The following OPN3 variants were observed in gnomAD, a reference collection of about 807,000 sequenced individuals.
OPN3 encodes opsin 3, also known as opsin-3.
A neutral mutation model predicts 33.8 loss-of-function variants in OPN3; 29 were observed. The observed-to-expected ratio is 0.86, with a 90% CI of 0.64 to 1.17. The LOEUF is 1.17. OPN3 is among the 50% of genes most tolerant of loss of function. The pLI is 0.00. For synonymous variants in OPN3, 216 were observed against 216.1 expected (o/e 1.00, Z 0.00); for missense variants, 437 against 514.1 (o/e 0.85, Z 1.45).
chr1:241,634,998 CA>C (rs778387586), intron 1 of OPN3: 1 of 1,613,454 alleles, frequency 6.2e-7, no homozygotes, highest in African/African-American at 1.3e-5. Context: ...TTAAATTCTA[CA>C]TAACGACTAA....
At chr1:241,635,899 C>T (rs764080829) in intron 1 of OPN3, 70 of 828,968 alleles carry the variant, frequency 8.4e-5, no homozygotes, top group East Asian at 1.9e-4. Flanking sequence ...AGCTGTTTAA[C>T]GGTTACCCTT....
chr1:241,610,693 A>G (rs781458648), intron 1 of OPN3, among the ~76,000 whole-genome samples: 1 of 152,252 alleles, frequency 6.6e-6, no homozygotes, highest in Non-Finnish European at 1.5e-5. Context: ...AGAGAAGTAA[A>G]CTACTATAAA....
chr1:241,634,498 A>T, intron 1 of OPN3: 1 of 1,613,856 alleles, frequency 6.2e-7, no homozygotes, highest in Non-Finnish European at 8.5e-7. Flanking sequence ...GACCAAAGTG[A>T]TCTATAATTG....
intron 1 of OPN3, 73 bp downstream of exon 1, chr1:241,639,809 C>G: frequency 7.6e-7 from 1 of 1,320,370 alleles, no homozygotes; most frequent in Non-Finnish European, 9.8e-7. Flanking sequence ...GGGGGGCGGA[C>G]GCACGGAGCG....
At chr1:241,636,723 A>G (rs1462328665) in intron 1 of OPN3, among the ~76,000 whole-genome samples, 1 of 152,218 alleles carries the variant, frequency 6.6e-6, no homozygotes, top group African/African-American at 2.4e-5. Flanking sequence ...ACACATGCAT[A>G]TAAGTAATAA....
intron 1 of OPN3, chr1:241,633,700 CCA>C (rs1444839758): frequency 6.2e-6 from 8 of 1,283,356 alleles, no homozygotes; most frequent in Non-Finnish European, 8.8e-6. Context: ...TCATATATAA[CCA>C]CTTCTAATTA....
At chr1:241,639,183 C>T (rs1665016147) in intron 1 of OPN3, 2 of 152,190 alleles carry the variant, frequency 1.3e-5, no homozygotes, top group African/African-American at 4.8e-5. Context: ...ATTTGTTCAC[C>T]TGAGATGGTA....
rs1260239543 is a variant in OPN3, at chr1:241,598,011, A to T, written c.694-14T>A. 1 of 1,608,458 alleles carries T rather than the reference A, an allele frequency of 6.2e-7. No homozygotes were observed. The highest frequency in any genetic ancestry group is 8.5e-7 in the Non-Finnish European group (1 of 1,178,100). The stretch of plus-strand genomic sequence containing the variant: ...CACACAACGAAGCTGCAGAAAGGAG[A>T]AAGAAAGGAAAGGGCTTAAAAAACA... On this transcript the variant is annotated splice_polypyrimidine_tract_variant and intron_variant, in intron 2 of 3. Transcript: ENST00000366554.
chr1:241,630,195 A>G (rs1558445780), intron 1 of OPN3: 1 of 152,090 alleles, frequency 6.6e-6, no homozygotes. Flanking sequence ...TACAACTGGT[A>G]AGTAGTGAAA....
chr1:241,634,922 T>C, intron 1 of OPN3: 2 of 1,612,020 alleles, frequency 1.2e-6, no homozygotes, highest in Non-Finnish European at 1.7e-6. Flanking sequence ...ATTAAAGACA[T>C]CTGCTCTGGA....
At position 241,618,964 on chromosome 1, in the gene OPN3, A is replaced by G. The variant is rs1375414466; in HGVS notation, c.374-14385T>C. Among the ~76,000 whole-genome samples the G allele has an allele frequency of 2.0e-5, 3 of 146,934 alleles. No homozygotes were observed. In the East Asian group the frequency reaches 5.8e-4, roughly 29 times the overall value. ...GATATGCCTCAAGCCTCCAGTGGGC[A>G]GGCTAGTTTATATATATATATATAT... On this transcript the variant is annotated intron_variant, in intron 1 of 3. Coordinates refer to ENST00000366554, the MANE Select transcript of OPN3 (RefSeq NM_014322.3).
chr1:241,621,312 TACAG>T (rs1664263972), intron 1 of OPN3, among the ~76,000 whole-genome samples: 1 of 152,048 alleles, frequency 6.6e-6, no homozygotes, highest in African/African-American at 2.4e-5. Context: ...GAAGAAAGAA[TACAG>T]ACAGTCATAA....
chr1:241,594,285 G>A lies in OPN3; in HGVS notation c.*143C>T. The A allele has an allele frequency of 1.1e-6, 1 of 878,386 alleles. No homozygotes were observed. Among genetic ancestry groups the A allele is most frequent in the Non-Finnish European group, 1.7e-6 (1 of 574,350 alleles). 54.4% of individuals were successfully genotyped at this position (878,386 alleles called of 1,614,324 possible). On this transcript the variant is annotated 3_prime_UTR_variant, in exon 4 of 4. Coordinates refer to ENST00000366554, the MANE Select transcript of OPN3 (RefSeq NM_014322.3). Reference sequence around the variant, plus strand: ...TTCAACCTCTTCCTGAGGCCCAAGAGCATATGGGCAATTCGGATTTCCTGC... The same window carrying A: ...TTCAACCTCTTCCTGAGGCCCAAGAACATATGGGCAATTCGGATTTCCTGC...
chr1:241,635,517 C>T (rs1385978707), intron 1 of OPN3: 3 of 1,613,850 alleles, frequency 1.9e-6, no homozygotes, highest in East Asian at 2.2e-5. Context: ...ATGGCTTCTT[C>T]TGTTTCATGG....
rs561929720 is a variant in OPN3, at chr1:241,634,250, T to C, written c.373+5632A>G. On this transcript the variant is annotated intron_variant, in intron 1 of 3. Transcript: ENST00000366554. ...AGATGAACATGTCAAATGTACCAGA[T>C]AGGTGTCCTTCATGCATGTCATGGT... The C allele has an allele frequency of 1.6e-5, 26 of 1,613,966 alleles. No homozygotes were observed. The highest frequency in any genetic ancestry group is 3.3e-4 in the Middle Eastern group (2 of 6,062).
intron 2 of OPN3, among the ~76,000 whole-genome samples, chr1:241,603,993 T>TA (rs1663751415): frequency 6.6e-6 from 1 of 152,000 alleles, no homozygotes; most frequent in Admixed American, 6.6e-5. Context: ...TAATGTAGGG[T>TA]TTTTTGGTTG....
At chr1:241,607,342 C>T (rs2148003404) in intron 1 of OPN3, among the ~76,000 whole-genome samples, 1 of 152,236 alleles carries the variant, frequency 6.6e-6, no homozygotes, top group Non-Finnish European at 1.5e-5. Context: ...TGGTGAAAAC[C>T]TGTCTCTACT....
intron 2 of OPN3, among the ~76,000 whole-genome samples, chr1:241,598,783 C>A (rs1345733684): frequency 6.6e-6 from 1 of 152,156 alleles, no homozygotes; most frequent in Non-Finnish European, 1.5e-5. Context: ...AAGAATATTT[C>A]TGCACACCAA....
chr1:241,595,998 G>A (rs988101682), intron 3 of OPN3, among the ~76,000 whole-genome samples: 2 of 152,170 alleles, frequency 1.3e-5, no homozygotes, highest in African/African-American at 2.4e-5. Flanking sequence ...CCTGTTTAAA[G>A]TATGCCCTTA....
Sources: gnomAD v4.1 joint callset for allele counts (sites outside exome capture counted in the v4.1 genomes callset) on GRCh38, gnomAD v4.1.1 for gene constraint, MANE v1.5 for transcripts, NCBI Gene and HGNC (gene_info 2026-07-23, HGNC 2026-07-21) for gene names.